LAMA2: variants seen among roughly 807,000 people sequenced by gnomAD.
LAMA2 encodes the protein laminin subunit alpha 2.
LAMA2 carries 269 observed loss-of-function variants against 364.8 expected under a neutral mutation model. The ratio of observed to expected loss-of-function variants is 0.74; its 90% confidence interval spans 0.67 to 0.82. LAMA2 has a LOEUF of 0.82. Among genes scored for constraint, LAMA2 ranks in the 40% least tolerant of loss-of-function variants. LAMA2 has a pLI of 0.00. For missense variants in LAMA2, 3,807 were observed against 3,873.2 expected (o/e 0.98, Z 0.45); for synonymous variants, 1,379 against 1,370.6 (o/e 1.01, Z -0.14).
intron 1 of LAMA2, among the ~76,000 whole-genome samples, chr6:128,888,381 G>A (rs980585942): frequency 6.6e-6 from 1 of 152,180 alleles, no homozygotes; most frequent in African/African-American, 2.4e-5. Flanking sequence ...ATTTAGTTGG[G>A]ATGGAGATGA....
Position 129,481,387 on chromosome 6 carries a change from G to A in LAMA2, c.7697G>A (p.Gly2566Glu). ...AATGAGTCCGGCATCATTCTTTTGGGAAGTGGAGGGACACCAGCACCACCT... is the reference window on the plus strand; with the variant it reads ...AATGAGTCCGGCATCATTCTTTTGGAAAGTGGAGGGACACCAGCACCACCT... The part of the protein sequence containing the change: ...TKNESGIILL[G>E]SGGTPAPPRR... Residue 2566 changes from glycine (G) to glutamate (E), a missense_variant, in exon 55 of 65, where the codon GGA (glycine) becomes GAA (glutamate). By Grantham distance (98) the Gly-to-Glu change is moderately conservative. This residue lies in a region of LAMA2 where 3,333 missense variants were observed against 3,345.7 expected (regional missense o/e 1.00). Transcript: ENST00000421865. 1 of 1,613,966 alleles carries A rather than the reference G, an allele frequency of 6.2e-7. No homozygotes were observed. Among genetic ancestry groups the A allele is most frequent in the Non-Finnish European group, 8.5e-7 (1 of 1,179,902 alleles).
At chr6:128,907,401 G>T (rs1305799010) in intron 1 of LAMA2, among the ~76,000 whole-genome samples, 11 of 151,680 alleles carry the variant, frequency 7.3e-5, no homozygotes, top group African/African-American at 2.4e-4. Flanking sequence ...TGAAGCAATT[G>T]TGAATGGGAG....
intron 41 of LAMA2, among the ~76,000 whole-genome samples, chr6:129,433,221 G>A (rs1781684040): frequency 6.8e-6 from 1 of 146,834 alleles, no homozygotes; most frequent in Non-Finnish European, 1.5e-5. Context: ...TTCAATGATT[G>A]CCTGCATAAT....
At chr6:129,186,659 T>C (rs1049580660) in intron 10 of LAMA2, among the ~76,000 whole-genome samples, 12 of 151,758 alleles carry the variant, frequency 7.9e-5, no homozygotes, top group Admixed American at 2.6e-4. Context: ...GTCTTATTTT[T>C]TTCTTCGGGG....
At chr6:128,906,188 T>A (rs1777453755) in intron 1 of LAMA2, among the ~76,000 whole-genome samples, 2 of 122,372 alleles carry the variant, frequency 1.6e-5, no homozygotes, top group African/African-American at 3.3e-5. Context: ...TTTCTAGTTC[T>A]AGATCCCTGA....
chr6:129,226,756 C>G (rs1784316910), intron 12 of LAMA2, among the ~76,000 whole-genome samples: 1 of 152,112 alleles, frequency 6.6e-6, no homozygotes, highest in Non-Finnish European at 1.5e-5. Context: ...TCTCTGGCTG[C>G]CCTTAACATT....
chr6:129,423,066 G>A (rs1326654210), intron 40 of LAMA2, among the ~76,000 whole-genome samples: 1 of 151,856 alleles, frequency 6.6e-6, no homozygotes, highest in African/African-American at 2.4e-5. Context: ...TTACCATATA[G>A]CAAACTAAAA....
At chr6:128,978,637 G>A (rs901442292) in intron 1 of LAMA2, among the ~76,000 whole-genome samples, 9 of 152,072 alleles carry the variant, frequency 5.9e-5, no homozygotes, top group Non-Finnish European at 8.8e-5. Flanking sequence ...TTCTCTAAAG[G>A]CACTTGCTTG....
chr6:129,428,720 C>T (rs1379464792), intron 41 of LAMA2, among the ~76,000 whole-genome samples: 1 of 152,176 alleles, frequency 6.6e-6, no homozygotes, highest in Non-Finnish European at 1.5e-5. Flanking sequence ...GCTGAGATTA[C>T]AGATGTGAGC....
intron 58 of LAMA2, among the ~76,000 whole-genome samples, chr6:129,498,970 G>T (rs1310729017): frequency 6.6e-6 from 1 of 152,188 alleles, no homozygotes; most frequent in Non-Finnish European, 1.5e-5. Context: ...TTACCAATTT[G>T]GTGCACTATC....
chr6:129,412,296 G>T (rs1414393830), intron 40 of LAMA2, among the ~76,000 whole-genome samples: 2 of 152,142 alleles, frequency 1.3e-5, no homozygotes, highest in Non-Finnish European at 2.9e-5. Context: ...GCCTCTGACT[G>T]TTGGATGAGG....
chr6:129,161,395 T>A (rs6569586), intron 8 of LAMA2, among the ~76,000 whole-genome samples: 42,465 of 152,088 alleles, frequency 0.28, 8,121 homozygotes, highest in African/African-American at 0.55. Flanking sequence ...TTTTGCTATT[T>A]GTTTCCCATT....
chr6:129,514,685 GTGCTTATGTGTACT>G, intron 64 of LAMA2, 90 bp downstream of exon 64: 1 of 994,888 alleles, frequency 1.0e-6, no homozygotes, highest in African/African-American at 1.6e-5. Flanking sequence ...CTAAGAATGT[GTGCTTATGTGTACT>G]TGCTTCCTAG....
At chr6:129,272,157 A>G (rs1353848882) in intron 17 of LAMA2, among the ~76,000 whole-genome samples, 1 of 152,094 alleles carries the variant, frequency 6.6e-6, no homozygotes, top group Non-Finnish European at 1.5e-5. Flanking sequence ...TTCAACTATA[A>G]CTCAGTAAGG....
At chr6:129,382,859 T>C (rs1365568792) in intron 34 of LAMA2, among the ~76,000 whole-genome samples, 1 of 152,228 alleles carries the variant, frequency 6.6e-6, no homozygotes, top group East Asian at 1.9e-4. Flanking sequence ...TTGTGCTTTA[T>C]TGCTTCTTCT....
intron 19 of LAMA2, among the ~76,000 whole-genome samples, chr6:129,289,671 G>C (rs1789551897): frequency 6.6e-6 from 1 of 151,458 alleles, no homozygotes; most frequent in Non-Finnish European, 1.5e-5. Flanking sequence ...TTTTATTATG[G>C]TAATTAATTA....
chr6:129,112,610 CTG>C (rs1562248627), intron 4 of LAMA2, among the ~76,000 whole-genome samples: 2 of 151,824 alleles, frequency 1.3e-5, no homozygotes, highest in East Asian at 3.9e-4. Context: ...ATGGCAAACA[CTG>C]TCTTAGGTGC....
chr6:129,504,255 A>G (rs570465925), intron 60 of LAMA2, among the ~76,000 whole-genome samples: 2 of 152,354 alleles, frequency 1.3e-5, no homozygotes, highest in South Asian at 4.1e-4. Context: ...CAAATGAAGG[A>G]GCTCTCATTA....
At chr6:129,080,153 T>C (rs1284975884) in intron 3 of LAMA2, among the ~76,000 whole-genome samples, 1 of 152,170 alleles carries the variant, frequency 6.6e-6, no homozygotes, top group Non-Finnish European at 1.5e-5. Context: ...AATTATCTTA[T>C]AGAACTTTTC....
Sources: gnomAD v4.1 joint callset for allele counts (sites outside exome capture counted in the v4.1 genomes callset) on GRCh38, gnomAD v4.1.1 for gene constraint, gnomAD v4.1.1 regional missense constraint, MANE v1.5 for transcripts, NCBI Gene and HGNC (gene_info 2026-07-23, HGNC 2026-07-21) for gene names.